The following CRACD variants were observed in gnomAD, a reference collection of about 807,000 sequenced individuals.
CRACD encodes capping protein-inhibiting regulator of actin dynamics.
A neutral mutation model predicts 106.8 loss-of-function variants in CRACD; 56 were observed. The observed-to-expected ratio is 0.52, with a 90% CI of 0.42 to 0.66. The LOEUF (loss-of-function observed/expected upper bound fraction) is 0.66. Among genes scored for constraint, CRACD ranks in the 30% least tolerant of loss-of-function variants. The probability of loss-of-function intolerance (pLI) is 0.00; values close to 1 mark genes in which losing one functional copy is unlikely to be tolerated. For synonymous variants in CRACD, 754 were observed against 670.8 expected (o/e 1.12, Z -1.92); for missense variants, 1,730 against 1,623.2 (o/e 1.07, Z -1.13).
chr4:56,180,296 C>T (rs1736759814), intron 2 of CRACD, among the ~76,000 whole-genome samples: 1 of 151,976 alleles, frequency 6.6e-6, no homozygotes, highest in Non-Finnish European at 1.5e-5. Flanking sequence ...TCAAGACCAG[C>T]CTGGCCAACA....
Position 56,314,116 on chromosome 4 carries a change from C to T in CRACD, c.614C>T (p.Pro205Leu), listed in dbSNP as rs949215469. Reference protein sequence around the residue: ...DQNGHPGEDKPTWHEEEPNPL... With the variant: ...DQNGHPGEDKLTWHEEEPNPL... ...AACGGACACCCAGGCGAGGACAAGC[C>T]AACGTGGCACGAAGAGGAACCCAAT... The change falls in exon 8 of 11, where the codon CCA (proline) becomes CTA (leucine). Residue 205 changes from proline (P) to leucine (L), a missense_variant. Pro to Leu is a moderately conservative substitution (Grantham distance 98, BLOSUM62 -3). Transcript: ENST00000682029. The surrounding 1 kb of genome is among the most constrained non-coding windows in gnomAD (Gnocchi z 4.4). 6.2e-7 allele frequency: 1 copy of T among 1,614,192 alleles called. No individual in the cohort carries two copies. The highest frequency in any genetic ancestry group is 8.5e-7 in the Non-Finnish European group (1 of 1,180,046).
chr4:56,062,738 C>T (rs146857725), intron 1 of CRACD, among the ~76,000 whole-genome samples: 98 of 152,338 alleles, frequency 6.4e-4, no homozygotes, highest in African/African-American at 2.3e-3. Flanking sequence ...GCCAGTGAAA[C>T]TAGCCCTGAC....
At chr4:56,232,133 A>G (rs906215407) in intron 2 of CRACD, among the ~76,000 whole-genome samples, 2 of 152,118 alleles carry the variant, frequency 1.3e-5, no homozygotes, top group Non-Finnish European at 2.9e-5. Flanking sequence ...CTGCTCCCCT[A>G]TTCATTGCCA....
rs561589391 is a variant in CRACD at position 56,301,045 on chromosome 4, G to A, written c.120+2696G>A. ...ATGAAGTCTGCCTAGTTTTGCTTCC[G>A]CTGCATGGATTCACAAGCTTCCTTT... On this transcript the variant is annotated intron_variant, in intron 4 of 10. Coordinates refer to ENST00000682029, the MANE Select transcript of CRACD (RefSeq NM_001393381.1). Among the ~76,000 whole-genome samples, 5 of 152,292 alleles carry A rather than the reference G, an allele frequency of 3.3e-5. No individual in the cohort carries two copies. The East Asian group carries it at 7.7e-4, about 23-fold the overall frequency.
Position 56,233,324 on chromosome 4 carries a change from G to A in CRACD, c.-188-38997G>A, listed in dbSNP as rs533017313. 2.0e-5 allele frequency among the ~76,000 whole-genome samples: 3 copies of A among 151,478 alleles called. No individual in the cohort carries two copies. In the South Asian group the frequency reaches 6.3e-4, roughly 32 times the overall value. On this transcript the variant is annotated intron_variant, in intron 2 of 10. Coordinates refer to ENST00000682029, the MANE Select transcript of CRACD (RefSeq NM_001393381.1). ...GACAGGGCCTTGCTATATTTCCCAGGCTGAACACCTGGGCTCAAGAGATCC... is the reference window on the plus strand; with the variant it reads ...GACAGGGCCTTGCTATATTTCCCAGACTGAACACCTGGGCTCAAGAGATCC...
chr4:56,147,147 C>G (rs1040847431), intron 1 of CRACD, among the ~76,000 whole-genome samples: 14 of 152,088 alleles, frequency 9.2e-5, no homozygotes, highest in African/African-American at 3.1e-4. Flanking sequence ...GCAGCTGGCC[C>G]TCTCTGCCTG....
At chr4:56,188,663 C>CTCTCTCTCTCTCTCTCTATCTCTCTATT (rs1737201525) in intron 2 of CRACD, among the ~76,000 whole-genome samples, 7 of 72,522 alleles carry the variant, frequency 9.7e-5, no homozygotes, top group African/African-American at 4.6e-4. Context: ...CTCTATTTCT[C>CTCTCTCTCTCTCTCTCTATCTCTCTATT]TCTCTCTCTC....
At chr4:56,211,088 T>C (rs1398216690) in intron 2 of CRACD, among the ~76,000 whole-genome samples, 2 of 152,242 alleles carry the variant, frequency 1.3e-5, no homozygotes, top group African/African-American at 4.8e-5. Flanking sequence ...CGTTTTCAAA[T>C]GCATTTCTTC....
intron 5 of CRACD, among the ~76,000 whole-genome samples, chr4:56,308,302 CACCATCCTGTCTAAATTTG>C (rs971837747): frequency 6.4e-3 from 72 of 11,182 alleles, no homozygotes; most frequent in East Asian, 0.055. Flanking sequence ...CACATTCCAG[CACCATCCTGTCTAAATTTG>C]ATCTCTTGAC....
intron 2 of CRACD, among the ~76,000 whole-genome samples, chr4:56,231,836 A>AATGT (rs1739639406): frequency 6.6e-6 from 1 of 152,212 alleles, no homozygotes; most frequent in African/African-American, 2.4e-5. Flanking sequence ...CAAGTGTTAA[A>AATGT]ATGTGGCTGT....
At chr4:56,140,983 T>C (rs893300429) in intron 1 of CRACD, among the ~76,000 whole-genome samples, 3 of 152,178 alleles carry the variant, frequency 2.0e-5, no homozygotes, top group Admixed American at 6.5e-5. Flanking sequence ...AACATACTGT[T>C]CTCCAGTTTA....
chr4:56,104,406 C>A (rs1577964315), intron 1 of CRACD, among the ~76,000 whole-genome samples: 1 of 132,338 alleles, frequency 7.6e-6, no homozygotes, highest in Non-Finnish European at 1.7e-5. Context: ...AAAAAACAAA[C>A]ACAAAAAAAC....
At chr4:56,323,810 A>T (rs1021561740) in intron 9 of CRACD, among the ~76,000 whole-genome samples, 1 of 152,264 alleles carries the variant, frequency 6.6e-6, no homozygotes, top group African/African-American at 2.4e-5. Context: ...CAACAGTGAT[A>T]TACAAGTTAC....
At chr4:56,158,173 T>C (rs1211832029) in intron 1 of CRACD, among the ~76,000 whole-genome samples, 1 of 152,212 alleles carries the variant, frequency 6.6e-6, no homozygotes, top group Non-Finnish European at 1.5e-5. Context: ...GTGGGAAGAA[T>C]CCCTTTTCCA....
chr4:56,075,472 C>A (rs1732808677), intron 1 of CRACD, among the ~76,000 whole-genome samples: 1 of 152,126 alleles, frequency 6.6e-6, no homozygotes, highest in Non-Finnish European at 1.5e-5. Flanking sequence ...AGTTTATTTG[C>A]ATAGAGGTGT....
chr4:56,298,656 G>C lies in CRACD; in HGVS notation c.120+307G>C, dbSNP rs189268570. On this transcript the variant is annotated intron_variant, in intron 4 of 10. Transcript: ENST00000682029. ...AGAGAAGCTGCAGGACTTGGGGCCA[G>C]GCGCGGTGGCTCAGGCCTGTAATCC... 6.5e-3 allele frequency among the ~76,000 whole-genome samples: 991 copies of C among 152,316 alleles called. 9 individuals carry two copies. Among genetic ancestry groups the C allele is most frequent in the African/African-American group, 0.023 (951 of 41,566 alleles).
chr4:56,070,362 C>G (rs1341721329), intron 1 of CRACD, among the ~76,000 whole-genome samples: 2 of 150,910 alleles, frequency 1.3e-5, no homozygotes, highest in African/African-American at 4.9e-5. Context: ...TACAGTGGCG[C>G]CATCTCGGCT....
intron 1 of CRACD, among the ~76,000 whole-genome samples, chr4:56,097,178 A>G (rs886191112): frequency 2.0e-5 from 3 of 152,166 alleles, no homozygotes; most frequent in African/African-American, 7.2e-5. Context: ...GCAGATTAGT[A>G]TAAGTAGTGG....
At chr4:56,239,263 C>T (rs1001944665) in intron 2 of CRACD, among the ~76,000 whole-genome samples, 3 of 151,630 alleles carry the variant, frequency 2.0e-5, no homozygotes, top group African/African-American at 7.3e-5. Context: ...ACTGCACTCC[C>T]GCCTGCATGA....
Sources: gnomAD v4.1 joint callset for allele counts (sites outside exome capture counted in the v4.1 genomes callset) on GRCh38, gnomAD v4.1.1 for gene constraint, Gnocchi (gnomAD v3.1) non-coding constraint, MANE v1.5 for transcripts, NCBI Gene and HGNC (gene_info 2026-07-23, HGNC 2026-07-21) for gene names.